Variants in ANKRD18A observed in about 807,000 individuals in gnomAD.
ANKRD18A encodes ankyrin repeat domain-containing protein 18A.
Under a neutral mutation model 110.6 loss-of-function variants are expected in ANKRD18A, and 72 were observed. The observed-to-expected ratio is 0.65, with a 90% CI of 0.54 to 0.79. The LOEUF (loss-of-function observed/expected upper bound fraction) is 0.79, where lower values mean the gene tolerates loss of function less well. Ranked by LOEUF, ANKRD18A falls within the 30% of genes least tolerant of loss-of-function variation. The pLI, the probability that ANKRD18A is intolerant of heterozygous loss-of-function variation, is 0.00. For synonymous variants in ANKRD18A, 305 were observed against 410.3 expected (o/e 0.74, Z 3.10); for missense variants, 934 against 1,163.3 (o/e 0.80, Z 2.87).
At position 38,601,185 on chromosome 9, in the gene ANKRD18A, CA is replaced by C. The variant is rs749770220; in HGVS notation, c.881del (p.Val294GlyfsTer37). On this transcript the variant is annotated frameshift_variant, in exon 8 of 16. Coordinates refer to ENST00000399703, the MANE Select transcript of ANKRD18A (RefSeq NM_147195.4). LOFTEE classifies it high-confidence loss of function. ...ERAKAEHNLKVASEEKQERLQ... is the reference protein window; with the variant it reads ...ERAKAEHNLKXASEEKQERLQ... ...GCCTTTCTTGCTTTTCCTCTGAAGC[CA>C]CTTTTAGGTTGTGTTCTGCTGACAA... 18 of 1,559,276 alleles carry C rather than the reference CA, an allele frequency of 1.2e-5. No individual in the cohort carries two copies. The highest frequency in any genetic ancestry group is 1.5e-5 in the Non-Finnish European group (17 of 1,150,750).
At chr9:38,603,952 CT>C (rs1336748532) in intron 6 of ANKRD18A, among the ~76,000 whole-genome samples, 15 of 152,318 alleles carry the variant, frequency 9.8e-5, no homozygotes, top group African/African-American at 3.4e-4. Context: ...ACTACATTTG[CT>C]TTCCCAGTGC....
intron 9 of ANKRD18A, 69 bp downstream of exon 9, chr9:38,595,417 T>C: frequency 2.3e-6 from 3 of 1,322,710 alleles, no homozygotes; most frequent in Non-Finnish European, 3.0e-6. Context: ...TTGAACTAGG[T>C]TCAACATATA....
In ANKRD18A at chr9:38,595,820, A is replaced by T; in HGVS notation, c.1520T>A (p.Val507Glu). Residue 507 changes from valine to glutamate, a missense_variant, in exon 9 of 16, where the codon GTA becomes GAA. Coordinates refer to ENST00000399703, the MANE Select transcript of ANKRD18A (RefSeq NM_147195.4). ...CTGTGCTTGCCTTAGGTCCAGCTGTACACTTCCTAAAGCCAATGTCTTTTC... is the reference window on the plus strand; with the variant it reads ...CTGTGCTTGCCTTAGGTCCAGCTGTTCACTTCCTAAAGCCAATGTCTTTTC... Reference protein sequence around the residue: ...LREKTLALGSVQLDLRQAQHR... With the variant: ...LREKTLALGSEQLDLRQAQHR... The T allele has an allele frequency of 1.3e-6, 2 of 1,551,264 alleles. No homozygotes were observed. Among genetic ancestry groups the T allele is most frequent in the Non-Finnish European group, 1.7e-6 (2 of 1,146,690 alleles).
At chr9:38,590,464 C>T (rs1824598051) in intron 10 of ANKRD18A, among the ~76,000 whole-genome samples, 1 of 152,078 alleles carries the variant, frequency 6.6e-6, no homozygotes, top group Non-Finnish European at 1.5e-5. Flanking sequence ...GTTGGCCAGG[C>T]TCTTCTTGTA....
rs564769981 is a variant in ANKRD18A at position 38,587,149 on chromosome 9, C to T, written c.2118-837G>A. ...GTCTGAATTGAGGAGAAAAAGAAAA[C>T]GGGCAGTTTTAGAAAAAAGGAAAGG... On this transcript the variant is annotated intron_variant, in intron 11 of 15. Coordinates refer to ENST00000399703, the MANE Select transcript of ANKRD18A (RefSeq NM_147195.4). Among the ~76,000 whole-genome samples the T allele has an allele frequency of 7.2e-5, 11 of 151,866 alleles. 1 individual carries two copies. The Middle Eastern group carries it at 0.01, about 141-fold the overall frequency.
chr9:38,613,811 A>G (rs1304075948), intron 3 of ANKRD18A, among the ~76,000 whole-genome samples: 1 of 152,202 alleles, frequency 6.6e-6, no homozygotes, highest in African/African-American at 2.4e-5. Flanking sequence ...GATCTAATTG[A>G]GAAAATCTCA....
rs1823850463 is a variant in ANKRD18A, at chr9:38,575,592, A to G, written c.2848T>C (p.Cys950Arg). The G allele has an allele frequency of 6.4e-7, 1 of 1,551,512 alleles. No individual in the cohort carries two copies. Among genetic ancestry groups the G allele is most frequent in the East Asian group, 2.4e-5 (1 of 40,920 alleles). Reference sequence around the variant, plus strand: ...TCTATACTATTAAGATTTTCAACACAAGGTAACTCTGGTTCTGGCCTTGTA... The same window carrying G: ...TCTATACTATTAAGATTTTCAACACGAGGTAACTCTGGTTCTGGCCTTGTA... ...LPTRPEPELP[C>R]VENLNSIELN... The change falls in exon 15 of 16, where the codon TGT becomes CGT. Residue 950 changes from cysteine to arginine, a missense_variant. By Grantham distance (180) the Cys-to-Arg change is radical (BLOSUM62 -3). Coordinates refer to ENST00000399703, the MANE Select transcript of ANKRD18A (RefSeq NM_147195.4).
chr9:38,601,181 A>G lies in ANKRD18A; in HGVS notation c.886T>C (p.Ser296Pro), dbSNP rs750424947. ...TGGAGCCTTTCTTGCTTTTCCTCTGAAGCCACTTTTAGGTTGTGTTCTGCT... is the reference window on the plus strand; with the variant it reads ...TGGAGCCTTTCTTGCTTTTCCTCTGGAGCCACTTTTAGGTTGTGTTCTGCT... The part of the protein sequence containing the change: ...AKAEHNLKVA[S>P]EEKQERLQRS... Residue 296 changes from serine to proline, a missense_variant, in exon 8 of 16, where the codon TCA becomes CCA. Ser to Pro is a moderately conservative substitution (Grantham distance 74). Transcript: ENST00000399703. 8.3e-6 allele frequency: 13 copies of G among 1,560,094 alleles called. No individual in the cohort carries two copies. The highest frequency in any genetic ancestry group is 1.1e-5 in the Non-Finnish European group (13 of 1,151,120).
chr9:38,595,803 GC>G lies in ANKRD18A; in HGVS notation c.1536del (p.Arg512SerfsTer7), dbSNP rs1824853395. The G allele has an allele frequency of 6.4e-7, 1 of 1,550,906 alleles. No individual in the cohort carries two copies. Among genetic ancestry groups the G allele is most frequent in the Admixed American group, 2.0e-5 (1 of 50,904 alleles). ...ATTTCCTTTATTCGATGCTGTGCTT[GC>G]CTTAGGTCCAGCTGTACACTTCCTA... is the stretch of plus-strand genomic sequence containing the variant. Reference protein sequence around the residue: ...LALGSVQLDLRQAQHRIKEMK... With the variant: ...LALGSVQLDLXQAQHRIKEMK... On this transcript the variant is annotated frameshift_variant, in exon 9 of 16. Coordinates refer to ENST00000399703, the MANE Select transcript of ANKRD18A (RefSeq NM_147195.4). LOFTEE classifies it high-confidence loss of function.
intron 12 of ANKRD18A, among the ~76,000 whole-genome samples, chr9:38,582,015 A>G (rs1220199527): frequency 6.6e-6 from 1 of 152,220 alleles, no homozygotes; most frequent in Non-Finnish European, 1.5e-5. Context: ...ACAGTGTTAC[A>G]CAAGAGAACA....
At position 38,575,470 on chromosome 9, in the gene ANKRD18A, A is replaced by T. The variant is rs1823841544; in HGVS notation, c.2964+6T>A. 20 of 1,548,802 alleles carry T rather than the reference A, an allele frequency of 1.3e-5. No homozygotes were observed. Among genetic ancestry groups the T allele is most frequent in the Non-Finnish European group, 1.7e-5 (19 of 1,145,702 alleles). On this transcript the variant is annotated splice_donor_region_variant and intron_variant, in intron 15 of 15. Coordinates refer to ENST00000399703, the MANE Select transcript of ANKRD18A (RefSeq NM_147195.4). Reference sequence around the variant, plus strand: ...AACCCAAAAGAGAAATGGTCATATAACTAACCTCAGTCAAGAAGTTCTTGC... The same window carrying T: ...AACCCAAAAGAGAAATGGTCATATATCTAACCTCAGTCAAGAAGTTCTTGC...
At chr9:38,611,843 G>C (rs910515368) in intron 3 of ANKRD18A, among the ~76,000 whole-genome samples, 26 of 152,194 alleles carry the variant, frequency 1.7e-4, no homozygotes, top group African/African-American at 6.0e-4. Context: ...CATTTGAGAA[G>C]TATTAAAAAC....
chr9:38,615,970 A>G lies in ANKRD18A; in HGVS notation c.281T>C (p.Ile94Thr). The change falls in exon 2 of 16, where the codon ATC (isoleucine) becomes ACC (threonine). Residue 94 changes from isoleucine to threonine, a missense_variant. Around this residue, in one of 4 missense-constraint regions of ANKRD18A, gnomAD observed 630 missense variants for 797.5 expected, o/e 0.79. Transcript: ENST00000399703. ...VTLLLHRRCQ[I>T]DICDRLNRTP... ...CCTGTTTAGTCTGTCACAGATGTCG[A>G]TCTGGCATCTTCTGTGCAGCAAGAG... 1.3e-6 allele frequency: 2 copies of G among 1,586,286 alleles called. No individual in the cohort carries two copies. Among genetic ancestry groups the G allele is most frequent in the South Asian group, 2.3e-5 (2 of 87,094 alleles).
Position 38,615,875 on chromosome 9 carries a change from T to C in ANKRD18A, c.321+55A>G, listed in dbSNP as rs941925905. On this transcript the variant is annotated intron_variant, in intron 2 of 15. Coordinates refer to ENST00000399703, the MANE Select transcript of ANKRD18A (RefSeq NM_147195.4). Reference sequence around the variant, plus strand: ...TTTAAATGAGACAAATTCATTTTAATTCTATGTATTTAAATCAAATCCATT... The same window carrying C: ...TTTAAATGAGACAAATTCATTTTAACTCTATGTATTTAAATCAAATCCATT... 5 of 1,523,938 alleles carry C rather than the reference T, an allele frequency of 3.3e-6. No homozygotes were observed. In the African/African-American group the frequency reaches 7.0e-5, roughly 21 times the overall value. 94.4% of individuals were successfully genotyped at this position (1,523,938 alleles called of 1,614,324 possible).
intron 8 of ANKRD18A, among the ~76,000 whole-genome samples, chr9:38,600,766 T>G (rs886076175): frequency 1.3e-5 from 2 of 152,190 alleles, no homozygotes; most frequent in African/African-American, 4.8e-5. Context: ...TCCTTTCACA[T>G]GAGGTGAACT....
At chr9:38,589,340 A>T (rs1335552555) in intron 10 of ANKRD18A, among the ~76,000 whole-genome samples, 2 of 152,196 alleles carry the variant, frequency 1.3e-5, no homozygotes, top group Admixed American at 6.5e-5. Flanking sequence ...TTGTGTTTTT[A>T]TATTGAAACT....
At position 38,577,867 on chromosome 9, in the gene ANKRD18A, C is replaced by T; in HGVS notation, c.2529G>A (p.Gln843=). Residue 843 remains glutamine (Q), a splice_region_variant and synonymous_variant, in exon 13 of 16, where the codon CAG becomes CAA. Coordinates refer to ENST00000399703, the MANE Select transcript of ANKRD18A (RefSeq NM_147195.4). ...EIEKLEEIHL[Q]KQAEYEKQLE... is the part of the protein sequence containing the mutation. ...AACTTACCTGATTTTAAAAACTAAC[C>T]TGTAAATGGATTTCTTCTAATTTTT... 6.3e-7 allele frequency: 1 copy of T among 1,583,476 alleles called. No individual in the cohort carries two copies. Among genetic ancestry groups the T allele is most frequent in the Non-Finnish European group, 8.6e-7 (1 of 1,169,308 alleles).
chr9:38,612,443 A>C (rs1376768797), intron 3 of ANKRD18A, among the ~76,000 whole-genome samples: 1 of 151,978 alleles, frequency 6.6e-6, no homozygotes, highest in Non-Finnish European at 1.5e-5. Flanking sequence ...GCTTATCAAA[A>C]AAAGTGCTAA....
intron 8 of ANKRD18A, among the ~76,000 whole-genome samples, chr9:38,598,495 A>C (rs1011113103): frequency 2.6e-5 from 4 of 152,240 alleles, no homozygotes; most frequent in Non-Finnish European, 4.4e-5. Flanking sequence ...GATAACTTAT[A>C]ATAAGAGAAG....
Sources: gnomAD v4.1 joint callset for allele counts (sites outside exome capture counted in the v4.1 genomes callset) on GRCh38, gnomAD v4.1.1 for gene constraint, gnomAD v4.1.1 regional missense constraint, MANE v1.5 for transcripts, NCBI Gene and HGNC (gene_info 2026-07-23, HGNC 2026-07-21) for gene names.